MGAT4C: variants seen among roughly 807,000 people sequenced by gnomAD.
MGAT4C encodes the protein alpha-1,3-mannosyl-glycoprotein 4-beta-N-acetylglucosaminyltransferase C.
Under a neutral mutation model 40.1 loss-of-function variants are expected in MGAT4C, and 19 were observed. The ratio of observed to expected loss-of-function variants is 0.47; its 90% CI spans 0.33 to 0.70. MGAT4C has a LOEUF of 0.70. MGAT4C is among the 30% of genes least tolerant of loss of function. MGAT4C has a pLI of 0.02. For synonymous variants in MGAT4C, 181 were observed against 187.1 expected (o/e 0.97, Z 0.27); for missense variants, 491 against 563.2 (o/e 0.87, Z 1.30).
At chr12:86,365,575 G>T (rs990623282) in intron 3 of MGAT4C, among the ~76,000 whole-genome samples, 1 of 152,104 alleles carries the variant, frequency 6.6e-6, no homozygotes, top group Non-Finnish European at 1.5e-5. Context: ...TATTAATTTG[G>T]GGAACTAATA....
At chr12:86,739,979 G>A (rs1327092200) in intron 1 of MGAT4C, among the ~76,000 whole-genome samples, 1 of 150,528 alleles carries the variant, frequency 6.6e-6, no homozygotes, top group East Asian at 2.0e-4. Context: ...GCTATTCATA[G>A]CTAAAAAGCT....
At chr12:86,635,265 A>C (rs1963183620) in intron 2 of MGAT4C, among the ~76,000 whole-genome samples, 1 of 152,084 alleles carries the variant, frequency 6.6e-6, no homozygotes, top group Non-Finnish European at 1.5e-5. Flanking sequence ...TAACCTCATG[A>C]AGGTGAAGAA....
At position 85,969,555 on chromosome 12, in the gene MGAT4C, T is replaced by C. The variant is rs1367725418; in HGVS notation, c.*9734A>G. On this transcript the variant is annotated 3_prime_UTR_variant, in exon 5 of 5. Transcript: ENST00000611864. ...GAATTACAGAAGCAAGTGTTTTAGA[T>C]GTTCAAGTTTAAAAAATGAGAAAAA... The C allele has an allele frequency of 6.6e-6, 1 of 151,610 alleles. No homozygotes were observed. Among genetic ancestry groups the C allele is most frequent in the African/African-American group, 2.4e-5 (1 of 41,396 alleles). 9.4% of individuals were successfully genotyped at this position (151,610 alleles called of 1,614,324 possible). A position where few individuals can be genotyped will look rare whatever the true frequency, so the allele number is the denominator to read the frequency against.
At chr12:86,472,516 C>T (rs543143951) in intron 2 of MGAT4C, among the ~76,000 whole-genome samples, 1 of 152,190 alleles carries the variant, frequency 6.6e-6, no homozygotes, top group African/African-American at 2.4e-5. Flanking sequence ...AGAAGGCTTA[C>T]ATTAAGAAGA....
chr12:86,139,546 A>G (rs1183923925), intron 1 of MGAT4C, among the ~76,000 whole-genome samples: 1 of 152,006 alleles, frequency 6.6e-6, no homozygotes, highest in Non-Finnish European at 1.5e-5. Context: ...TATATAAGTA[A>G]AATATAACTT....
At chr12:86,285,893 A>G (rs1326970496) in intron 4 of MGAT4C, among the ~76,000 whole-genome samples, 2 of 152,034 alleles carry the variant, frequency 1.3e-5, no homozygotes, top group Non-Finnish European at 2.9e-5. Context: ...ATGACATAAA[A>G]ATGCTTACAA....
chr12:86,562,380 G>A (rs1959909118), intron 2 of MGAT4C, among the ~76,000 whole-genome samples: 2 of 152,072 alleles, frequency 1.3e-5, no homozygotes, highest in Non-Finnish European at 2.9e-5. Context: ...ACTTGGAATT[G>A]GGACAGGTGG....
chr12:86,159,657 AG>A (rs1885374537), intron 1 of MGAT4C, among the ~76,000 whole-genome samples: 1 of 151,910 alleles, frequency 6.6e-6, no homozygotes, highest in Admixed American at 6.6e-5. Context: ...CACCTGAACC[AG>A]GGCTTTCGTT....
At chr12:86,649,279 A>G (rs1177542946) in intron 2 of MGAT4C, among the ~76,000 whole-genome samples, 1 of 151,792 alleles carries the variant, frequency 6.6e-6, no homozygotes, top group Non-Finnish European at 1.5e-5. Context: ...ACCCATTGAA[A>G]TGATCTATAT....
chr12:86,157,760 C>G (rs769821114), intron 1 of MGAT4C, among the ~76,000 whole-genome samples: 1 of 152,010 alleles, frequency 6.6e-6, no homozygotes, highest in Non-Finnish European at 1.5e-5. Context: ...AAGGACGTGC[C>G]ACACTTTTAA....
At chr12:86,066,530 C>G (rs1894560647) in intron 1 of MGAT4C, among the ~76,000 whole-genome samples, 1 of 151,978 alleles carries the variant, frequency 6.6e-6, no homozygotes, top group Non-Finnish European at 1.5e-5. Flanking sequence ...GAAACTGGAT[C>G]CCTTCCTTAC....
chr12:86,256,819 T>C (rs555095935), upstream of MGAT4C, among the ~76,000 whole-genome samples: 70 of 152,258 alleles, frequency 4.6e-4, no homozygotes, highest in Non-Finnish European at 7.9e-4. Flanking sequence ...GCCCCTGAGA[T>C]TTAAGAAACT....
intron 2 of MGAT4C, among the ~76,000 whole-genome samples, chr12:86,581,782 T>TTCTGATAGTG (rs1310458375): frequency 6.6e-6 from 1 of 151,458 alleles, no homozygotes; most frequent in Non-Finnish European, 1.5e-5. Flanking sequence ...CACTCTTATC[T>TTCTGATAGTG]AATCTCAGTT....
chr12:86,043,624 C>G (rs1338234457), intron 2 of MGAT4C, among the ~76,000 whole-genome samples: 1 of 152,156 alleles, frequency 6.6e-6, no homozygotes, highest in Non-Finnish European at 1.5e-5. Flanking sequence ...TTGGCATCAC[C>G]CTCACAGACA....
intron 1 of MGAT4C, among the ~76,000 whole-genome samples, chr12:86,170,502 G>C (rs1022674523): frequency 1.3e-5 from 2 of 152,128 alleles, no homozygotes; most frequent in Admixed American, 1.3e-4. Context: ...TTATGCATTA[G>C]TACTGTGTGC....
chr12:86,446,126 T>C (rs568821016), intron 2 of MGAT4C, among the ~76,000 whole-genome samples: 3 of 152,228 alleles, frequency 2.0e-5, no homozygotes, highest in South Asian at 2.1e-4. Context: ...CACAAAAATA[T>C]AGAATAAAAT....
At chr12:86,401,260 A>G (rs868793030) in intron 3 of MGAT4C, among the ~76,000 whole-genome samples, 87 of 148,092 alleles carry the variant, frequency 5.9e-4, no homozygotes, top group East Asian at 2.6e-3. Context: ...ACATATATAT[A>G]TGTGTGTGTG....
At chr12:86,609,463 TA>T (rs992209350) in intron 2 of MGAT4C, among the ~76,000 whole-genome samples, 4 of 150,594 alleles carry the variant, frequency 2.7e-5, no homozygotes, top group Admixed American at 6.6e-5. Flanking sequence ...TTTTAAAAAG[TA>T]AAAAAAAAGA....
In MGAT4C at chr12:86,196,206, T is replaced by C. The variant is rs112227684; in HGVS notation, c.-57+60033A>G. Among the ~76,000 whole-genome samples, 241 of 152,312 alleles carry C rather than the reference T, an allele frequency of 1.6e-3. 1 individual carries two copies. The highest frequency in any genetic ancestry group is 5.4e-3 in the African/African-American group (226 of 41,584). On this transcript the variant is annotated intron_variant, in intron 1 of 4. Coordinates refer to ENST00000611864, the MANE Select transcript of MGAT4C (RefSeq NM_001351288.2). ...TTATTGCTGTATCCTCACATGATCA[T>C]TCTCTGTAAGAGAGAGCTCTTGTCT...
Sources: allele counts gnomAD v4.1 joint callset (sites outside exome capture counted in the v4.1 genomes callset), GRCh38; gene constraint gnomAD v4.1.1; transcripts MANE v1.5; gene names NCBI Gene and HGNC (gene_info 2026-07-23, HGNC 2026-07-21).